SMARCAD1: variants seen among roughly 807,000 people sequenced by gnomAD.
The protein encoded by SMARCAD1 is SNF2 related chromatin remodeling ATPase with DExD box 1, also known as SWI/SNF-related matrix-associated actin-dependent regulator of chromatin subfamily A containing DEAD/H box 1.
SMARCAD1 carries 25 observed loss-of-function variants against 127.1 expected under a neutral mutation model. That is an observed-to-expected ratio of 0.20 (90% CI 0.14 to 0.27). SMARCAD1 has a LOEUF of 0.27. SMARCAD1 is among the 10% of genes least tolerant of loss of function. SMARCAD1 has a pLI of 1.00. For synonymous variants in SMARCAD1, 400 were observed against 396.9 expected (o/e 1.01, Z -0.09); for missense variants, 807 against 1,206.0 (o/e 0.67, Z 4.90).
At chr4:94,286,653 G>A (rs1039203482) in intron 23 of SMARCAD1, among the ~76,000 whole-genome samples, 9 of 151,706 alleles carry the variant, frequency 5.9e-5, no homozygotes, top group African/African-American at 1.9e-4. Flanking sequence ...TTCTCCCATC[G>A]TATTTTAATG....
intron 2 of SMARCAD1, among the ~76,000 whole-genome samples, chr4:94,222,849 A>G (rs1744361053): frequency 6.6e-6 from 1 of 152,094 alleles, no homozygotes; most frequent in African/African-American, 2.4e-5. Flanking sequence ...CTGTAATCCC[A>G]GCTACTTGGG....
chr4:94,234,820 G>C (rs769117684), intron 4 of SMARCAD1, among the ~76,000 whole-genome samples: 2 of 152,138 alleles, frequency 1.3e-5, no homozygotes, highest in Admixed American at 1.3e-4. Context: ...ACCACTACCA[G>C]TTCTCCTCCT....
At chr4:94,230,940 A>G (rs1745744469) in intron 3 of SMARCAD1, among the ~76,000 whole-genome samples, 1 of 152,194 alleles carries the variant, frequency 6.6e-6, no homozygotes, top group African/African-American at 2.4e-5. Flanking sequence ...CAAATTTTCA[A>G]GGATATGTTT....
intron 9 of SMARCAD1, among the ~76,000 whole-genome samples, chr4:94,257,603 C>CT (rs1750299588): frequency 6.6e-6 from 1 of 152,088 alleles, no homozygotes; most frequent in African/African-American, 2.4e-5. Context: ...TGTTTATTTA[C>CT]TTTTTGTTAA....
At chr4:94,240,744 CT>C (rs796750629) in intron 5 of SMARCAD1, among the ~76,000 whole-genome samples, 161 bp from the exon 6 acceptor site, 4 of 151,316 alleles carry the variant, frequency 2.6e-5, no homozygotes, top group East Asian at 1.9e-4. Flanking sequence ...AGAATGTTTA[CT>C]TTTTTTTTCA....
At position 94,290,784 on chromosome 4, in the gene SMARCAD1, G is replaced by A. The variant is rs1425475625; in HGVS notation, c.*1250G>A. 2.3e-6 allele frequency: 1 copy of A among 430,032 alleles called. No individual in the cohort carries two copies. Among genetic ancestry groups the A allele is most frequent in the Non-Finnish European group, 4.6e-6 (1 of 218,574 alleles). 26.6% of individuals were successfully genotyped at this position (430,032 alleles called of 1,614,324 possible). A position where few individuals can be genotyped will look rare whatever the true frequency, so the allele number is the denominator to read the frequency against. ...GTTCCATGTGTTTTGTTTTTATTAT[G>A]TAAATATCATTATAAATAAACTTAT... On this transcript the variant is annotated 3_prime_UTR_variant, in exon 24 of 24. Coordinates refer to ENST00000354268, the MANE Select transcript of SMARCAD1 (RefSeq NM_020159.5).
At chr4:94,242,660 T>A (rs1220830068) in intron 6 of SMARCAD1, among the ~76,000 whole-genome samples, 1 of 151,820 alleles carries the variant, frequency 6.6e-6, no homozygotes, top group East Asian at 1.9e-4. Context: ...TCCCAGCATC[T>A]TGGGAGGCTG....
chr4:94,254,381 T>A (rs1253767600), intron 9 of SMARCAD1, among the ~76,000 whole-genome samples: 2 of 152,162 alleles, frequency 1.3e-5, no homozygotes, highest in Non-Finnish European at 2.9e-5. Flanking sequence ...AGATTCTAAT[T>A]TATTTAATAA....
intron 10 of SMARCAD1, chr4:94,270,461 A>G (rs1752397706): frequency 2.8e-6 from 1 of 353,010 alleles, no homozygotes; most frequent in African/African-American, 2.1e-5. Flanking sequence ...CATTTATGGA[A>G]TTAATTTGGA....
rs1446952595 is a variant in SMARCAD1, at chr4:94,240,994, A to C, written c.693A>C (p.Thr231=). The C allele has an allele frequency of 6.2e-7, 1 of 1,607,626 alleles. No homozygotes were observed. The highest frequency in any genetic ancestry group is 8.5e-7 in the Non-Finnish European group (1 of 1,174,704). ...ATGATGATCAATCTATAAAAAAGAC[A>C]AGACTGGATCATGTAAGTTTACATT... The part of the protein sequence containing the change: ...EFNDDQSIKK[T]RLDHGEESNE... The change falls in exon 6 of 24, where the codon ACA becomes ACC. Residue 231 remains threonine (T), a synonymous_variant. Transcript: ENST00000354268.
At chr4:94,227,533 G>A (rs1187883176) in intron 3 of SMARCAD1, among the ~76,000 whole-genome samples, 1 of 152,204 alleles carries the variant, frequency 6.6e-6, no homozygotes, top group Non-Finnish European at 1.5e-5. Flanking sequence ...TGGAGCAAGA[G>A]AGGATTTGTT....
rs1293072163 is a variant in SMARCAD1, at chr4:94,282,100, G to GTTGT, written c.2726+512_2726+513insGTTT. On this transcript the variant is annotated intron_variant, in intron 21 of 23. Transcript: ENST00000354268. Reference sequence around the variant, plus strand: ...GAATTACATGCAAATACGTTTTTTTGTTTTTTTTTTTTTTTTTGAGACGGA... The same window carrying GTTGT: ...GAATTACATGCAAATACGTTTTTTTGTTGTTTTTTTTTTTTTTTTTTGAGACGGA... 1.6e-4 allele frequency among the ~76,000 whole-genome samples: 12 copies of GTTGT among 74,960 alleles called. No individual in the cohort carries two copies. In the East Asian group the frequency reaches 2.6e-3, roughly 16 times the overall value. The allele number at this position is 74,960 out of a possible 152,430, so 49.2% of individuals were successfully genotyped here. A position where few individuals can be genotyped will look rare whatever the true frequency, so the allele number is the denominator to read the frequency against.
At chr4:94,217,452 G>T (rs1452416303) in intron 2 of SMARCAD1, among the ~76,000 whole-genome samples, 1 of 151,954 alleles carries the variant, frequency 6.6e-6, no homozygotes, top group East Asian at 1.9e-4. Context: ...TTTTGTTGTT[G>T]TTGTTTTCTC....
chr4:94,264,378 T>G, intron 9 of SMARCAD1: 1 of 209,208 alleles, frequency 4.8e-6, no homozygotes, highest in East Asian at 1.2e-4. Context: ...AAAAACTTGA[T>G]AGGAGATAGT....
chr4:94,271,554 C>G (rs965972459), intron 11 of SMARCAD1, among the ~76,000 whole-genome samples: 2 of 152,154 alleles, frequency 1.3e-5, no homozygotes, highest in Non-Finnish European at 2.9e-5. Flanking sequence ...GATATTTGTT[C>G]CCTCATTAGC....
At position 94,289,924 on chromosome 4, in the gene SMARCAD1, G is replaced by A; in HGVS notation, c.*390G>A. 2.2e-6 allele frequency: 1 copy of A among 454,344 alleles called. No homozygotes were observed. Among genetic ancestry groups the A allele is most frequent in the Non-Finnish European group, 4.4e-6 (1 of 227,758 alleles). 28.1% of individuals were successfully genotyped at this position (454,344 alleles called of 1,614,324 possible). A position where few individuals can be genotyped will look rare whatever the true frequency, so the allele number is the denominator to read the frequency against. On this transcript the variant is annotated 3_prime_UTR_variant, in exon 24 of 24. Coordinates refer to ENST00000354268, the MANE Select transcript of SMARCAD1 (RefSeq NM_020159.5). Reference sequence around the variant, plus strand: ...ATAATGTGTGTAGATTTTTACATGTGCCTTATTTGACAATGCTTATGTCTT... The same window carrying A: ...ATAATGTGTGTAGATTTTTACATGTACCTTATTTGACAATGCTTATGTCTT...
chr4:94,281,531 A>G lies in SMARCAD1; in HGVS notation c.2667A>G (p.Leu889=), dbSNP rs759882451. The change falls in exon 21 of 24, where the codon CTA becomes CTG. Residue 889 remains leucine, a synonymous_variant. Transcript: ENST00000354268. ...FTMMLDILEV[L]LKHHQHRYLR... is the part of the protein sequence containing the mutation. ...TGATGCTGGATATCTTAGAGGTTCT[A>G]TTAAAACATCATCAGCATAGGTACC... 4 of 1,613,448 alleles carry G rather than the reference A, an allele frequency of 2.5e-6. No homozygotes were observed. The highest frequency in any genetic ancestry group is 2.7e-5 in the African/African-American group (2 of 74,920).
rs759300612 is a variant in SMARCAD1, at chr4:94,249,750, A to G, written c.802A>G (p.Lys268Glu). Residue 268 changes from lysine (K) to glutamate (E), a missense_variant, in exon 7 of 24, where the codon AAA (lysine) becomes GAA (glutamate). Lys to Glu is a moderately conservative substitution (Grantham distance 56). Transcript: ENST00000354268. ...GCAAAAGGAATTTCCCAATTTTGAT[A>G]AACAGGTGAGTAGTCGTGTATGAAA... is the stretch of plus-strand genomic sequence containing the variant. The part of the protein sequence containing the change: ...KLQKEFPNFD[K>E]QELREVLKEH... 2.5e-5 allele frequency: 40 copies of G among 1,570,410 alleles called. No individual in the cohort carries two copies. The highest frequency in any genetic ancestry group is 3.5e-5 in the Non-Finnish European group (40 of 1,140,780).
intron 6 of SMARCAD1, among the ~76,000 whole-genome samples, chr4:94,248,019 TC>T (rs1440411186): frequency 2.0e-5 from 3 of 152,102 alleles, no homozygotes; most frequent in Non-Finnish European, 4.4e-5. Flanking sequence ...CTTCTTGTGT[TC>T]CCCAGTGTCT....
Sources: gnomAD v4.1 joint callset for allele counts (sites outside exome capture counted in the v4.1 genomes callset) on GRCh38, gnomAD v4.1.1 for gene constraint, MANE v1.5 for transcripts, NCBI Gene and HGNC (gene_info 2026-07-23, HGNC 2026-07-21) for gene names.